CNTNAP2: variants seen among roughly 807,000 people sequenced by gnomAD.
CNTNAP2 encodes contactin-associated protein-like 2.
CNTNAP2 carries 98 observed loss-of-function variants against 155.2 expected under a neutral mutation model. The ratio of observed to expected loss-of-function variants is 0.63; its 90% CI spans 0.54 to 0.75. The LOEUF (loss-of-function observed/expected upper bound fraction) is 0.75. Among genes scored for constraint, CNTNAP2 ranks in the 30% least tolerant of loss-of-function variants. The pLI is 0.00. For missense variants in CNTNAP2, 1,727 were observed against 1,688.1 expected (o/e 1.02, Z -0.40); for synonymous variants, 651 against 631.2 (o/e 1.03, Z -0.47).
chr7:147,009,081 T>C (rs1468143505), intron 3 of CNTNAP2, among the ~76,000 whole-genome samples: 2 of 152,052 alleles, frequency 1.3e-5, no homozygotes, highest in Non-Finnish European at 1.5e-5. Flanking sequence ...ACAAATGCCT[T>C]CCAAAGATCT....
intron 1 of CNTNAP2, among the ~76,000 whole-genome samples, chr7:146,371,829 C>T (rs1795241214): frequency 6.6e-6 from 1 of 151,880 alleles, no homozygotes; most frequent in Middle Eastern, 3.4e-3. Flanking sequence ...CATAGTGGCA[C>T]ATGCCTGTAA....
At position 148,409,531 on chromosome 7, in the gene CNTNAP2, T is replaced by A. The variant is rs147500192; in HGVS notation, c.3796+60T>A. 2.2e-5 allele frequency: 31 copies of A among 1,427,708 alleles called. No homozygotes were observed. The East Asian group carries it at 7.0e-4, about 32-fold the overall frequency. The allele number at this position is 1,427,708 out of a possible 1,614,324, so 88.4% of individuals were successfully genotyped here. On this transcript the variant is annotated intron_variant, in intron 23 of 23. Coordinates refer to ENST00000361727, the MANE Select transcript of CNTNAP2 (RefSeq NM_014141.6). ...ACTCAACTATGGAAAGTAATAGTTG[T>A]CAATAACATAGTAGTCTAGGAAAAA...
At chr7:147,919,754 A>G (rs1057376685) in intron 14 of CNTNAP2, among the ~76,000 whole-genome samples, 4 of 150,956 alleles carry the variant, frequency 2.6e-5, no homozygotes, top group Admixed American at 2.6e-4. Context: ...CACCACGCCC[A>G]GCCTACATTT....
At chr7:146,259,006 G>A (rs968975608) in intron 1 of CNTNAP2, among the ~76,000 whole-genome samples, 1 of 152,128 alleles carries the variant, frequency 6.6e-6, no homozygotes, top group Admixed American at 6.5e-5. Context: ...GATCTTGGAG[G>A]TGGTTTCCCC....
chr7:147,990,304 A>T (rs1801688147), intron 15 of CNTNAP2, among the ~76,000 whole-genome samples: 1 of 152,226 alleles, frequency 6.6e-6, no homozygotes, highest in Non-Finnish European at 1.5e-5. Context: ...GCAGCTCAAC[A>T]GTCAAAGACA....
At chr7:146,144,755 T>C (rs1244979595) in intron 1 of CNTNAP2, among the ~76,000 whole-genome samples, 2 of 152,228 alleles carry the variant, frequency 1.3e-5, no homozygotes, top group Non-Finnish European at 2.9e-5. Flanking sequence ...TGTTGTTTCT[T>C]CCTGCCTCTC....
chr7:146,746,074 C>T (rs775038323), intron 1 of CNTNAP2, among the ~76,000 whole-genome samples: 4 of 152,278 alleles, frequency 2.6e-5, no homozygotes, highest in East Asian at 1.9e-4. Flanking sequence ...AGTGTTCCAT[C>T]GTTCTCCAAA....
chr7:146,884,664 A>C (rs1017786293), intron 3 of CNTNAP2, among the ~76,000 whole-genome samples: 1 of 152,118 alleles, frequency 6.6e-6, no homozygotes, highest in East Asian at 1.9e-4. Context: ...TGGAGGGCCC[A>C]CTGGAGCATA....
At chr7:147,984,843 A>G (rs1349400208) in intron 15 of CNTNAP2, among the ~76,000 whole-genome samples, 1 of 152,120 alleles carries the variant, frequency 6.6e-6, no homozygotes, top group East Asian at 1.9e-4. Flanking sequence ...GGCTGGGCGC[A>G]GTGGTTCATG....
chr7:146,229,082 C>G (rs1008124125), intron 1 of CNTNAP2, among the ~76,000 whole-genome samples: 2 of 152,122 alleles, frequency 1.3e-5, no homozygotes, highest in Non-Finnish European at 2.9e-5. Flanking sequence ...CATATCTCCT[C>G]TTGGTAGGTT....
intron 1 of CNTNAP2, among the ~76,000 whole-genome samples, chr7:146,289,676 G>C (rs867949889): frequency 2.6e-5 from 4 of 152,002 alleles, no homozygotes; most frequent in African/African-American, 9.7e-5. Context: ...ATTCCAAATC[G>C]TATTTAAAAT....
chr7:147,390,153 G>A (rs1237304565), intron 9 of CNTNAP2, among the ~76,000 whole-genome samples: 1 of 152,168 alleles, frequency 6.6e-6, no homozygotes, highest in Non-Finnish European at 1.5e-5. Context: ...ACAGCAGGAG[G>A]TTCAGTATCA....
intron 2 of CNTNAP2, among the ~76,000 whole-genome samples, chr7:146,836,409 A>G (rs1160368182): frequency 1.3e-5 from 2 of 152,208 alleles, no homozygotes; most frequent in Non-Finnish European, 2.9e-5. Context: ...TAACAGAGGT[A>G]GTATGGTCTA....
intron 15 of CNTNAP2, among the ~76,000 whole-genome samples, chr7:148,114,832 T>A (rs1198877257): frequency 6.6e-6 from 1 of 152,206 alleles, no homozygotes; most frequent in Non-Finnish European, 1.5e-5. Flanking sequence ...GGATAACATT[T>A]TTAAAATAAG....
intron 9 of CNTNAP2, among the ~76,000 whole-genome samples, chr7:147,329,217 T>C (rs1347190798): frequency 2.6e-5 from 4 of 152,002 alleles, no homozygotes; most frequent in Admixed American, 6.6e-5. Context: ...CCATGGATAA[T>C]AGAGTGAATC....
At chr7:147,982,306 T>TA (rs35289072) in intron 15 of CNTNAP2, among the ~76,000 whole-genome samples, 144,831 of 151,516 alleles carry the variant, frequency 0.96, 69,304 homozygotes, top group East Asian at 0.98. Flanking sequence ...AGGAAAGGTT[T>TA]AAAAAAAAAT....
At chr7:147,566,587 G>A (rs371926063) in intron 12 of CNTNAP2, among the ~76,000 whole-genome samples, 34 of 152,084 alleles carry the variant, frequency 2.2e-4, no homozygotes, top group African/African-American at 7.0e-4. Flanking sequence ...TTCACAAGGC[G>A]GCAGGAGAGA....
At chr7:148,411,948 T>TATCC (rs1799851698) in intron 23 of CNTNAP2, among the ~76,000 whole-genome samples, 1 of 27,762 alleles carries the variant, frequency 3.6e-5, no homozygotes, top group Non-Finnish European at 8.1e-5. Flanking sequence ...TTTATTGTTG[T>TATCC]ATCTTTTTTT....
chr7:146,760,423 T>TC, intron 1 of CNTNAP2, among the ~76,000 whole-genome samples: 1 of 106,314 alleles, frequency 9.4e-6, no homozygotes, highest in Admixed American at 9.2e-5. Flanking sequence ...TTTTTTTTTT[T>TC]TTTTTTTTTT....
Sources: gnomAD v4.1 joint callset for allele counts (sites outside exome capture counted in the v4.1 genomes callset) on GRCh38, gnomAD v4.1.1 for gene constraint, MANE v1.5 for transcripts, NCBI Gene and HGNC (gene_info 2026-07-23, HGNC 2026-07-21) for gene names.